FHDC1: variants seen among roughly 807,000 people sequenced by gnomAD.
FHDC1 encodes FH2 domain containing 1.
In FHDC1, 25 loss-of-function variants were observed where a neutral mutation model predicts 52.6. The observed-to-expected ratio is 0.48, with a 90% CI of 0.35 to 0.66. FHDC1 has a LOEUF of 0.66. Ranked by LOEUF, FHDC1 falls within the 30% of genes least tolerant of loss-of-function variation. The pLI is 0.01. For synonymous variants in FHDC1, 616 were observed against 581.5 expected, an observed-to-expected ratio of 1.06 and a Z score of -0.85; for missense variants, 1,459 against 1,452.8, an observed-to-expected ratio of 1.00 and a Z score of -0.07.
intron 1 of FHDC1, among the ~76,000 whole-genome samples, chr4:152,939,347 G>A (rs1411922521): frequency 6.6e-6 from 1 of 152,056 alleles, no homozygotes; most frequent in Non-Finnish European, 1.5e-5. Context: ...TGTTGGACAG[G>A]ATAGTCTTGA....
upstream of FHDC1, among the ~76,000 whole-genome samples, chr4:152,934,335 A>G (rs1739308040): frequency 6.6e-6 from 1 of 152,168 alleles, no homozygotes; most frequent in Non-Finnish European, 1.5e-5. Flanking sequence ...TGGGAAGAGT[A>G]CTAGTTTTGA....
At chr4:152,935,845 G>GTA (rs1269319279), upstream of FHDC1, among the ~76,000 whole-genome samples, 1 of 134,106 alleles carries the variant, frequency 7.5e-6, no homozygotes, top group Non-Finnish European at 1.7e-5. Context: ...GTGTGTGTGT[G>GTA]TGCGCGCGTG....
At position 152,975,929 on chromosome 4, in the gene FHDC1, G is replaced by A. The variant is rs748952216; in HGVS notation, c.2638G>A (p.Ala880Thr). 4.6e-6 allele frequency: 7 copies of A among 1,513,848 alleles called. No homozygotes were observed. The highest frequency in any genetic ancestry group is 2.7e-5 in the South Asian group (2 of 73,494). 93.8% of individuals were successfully genotyped at this position (1,513,848 alleles called of 1,614,324 possible). The change falls in exon 12 of 12, where the codon GCC becomes ACC. Residue 880 changes from alanine (A) to threonine (T), a missense_variant. Ala to Thr is a moderately conservative substitution (Grantham distance 58, BLOSUM62 0). Coordinates refer to ENST00000511601, the MANE Select transcript of FHDC1 (RefSeq NM_001371116.1). ...TCCCGGGGCCTCCAAGCCCGGGAGC[G>A]CCCGGCGGAGCCAGGGGGCAGTGGC... ...ASPGASKPGS[A>T]RRSQGAVAKS... is the part of the protein sequence containing the mutation.
intron 4 of FHDC1, among the ~76,000 whole-genome samples, chr4:152,959,478 A>G (rs1021399704): frequency 1.3e-5 from 2 of 152,238 alleles, no homozygotes; most frequent in Non-Finnish European, 2.9e-5. Flanking sequence ...TTTATTTTTT[A>G]AAGAGTGATC....
chr4:152,957,757 G>A lies in FHDC1; in HGVS notation c.664-2808G>A, dbSNP rs1207153163. On this transcript the variant is annotated intron_variant, in intron 4 of 11. Coordinates refer to ENST00000511601, the MANE Select transcript of FHDC1 (RefSeq NM_001371116.1). ...AGCCGACCAAAGCCAAGGTTAATTC[G>A]TTGTTGAGAATTTCTCTGCCCTCTA... 2.6e-5 allele frequency among the ~76,000 whole-genome samples: 4 copies of A among 152,148 alleles called. No homozygotes were observed. In the East Asian group the frequency reaches 7.7e-4, roughly 29 times the overall value.
In FHDC1 at chr4:152,975,306, A is replaced by G. The variant is rs766592093; in HGVS notation, c.2015A>G (p.Glu672Gly). ...PLSPLALGIKEHELVTGLAQF... is the reference protein window; with the variant it reads ...PLSPLALGIKGHELVTGLAQF... The stretch of plus-strand genomic sequence containing the variant: ...TCGCCATTGGCTCTGGGAATTAAGG[A>G]GCATGAGCTGGTGACAGGGCTGGCC... The change falls in exon 12 of 12, where the codon GAG becomes GGG. Residue 672 changes from glutamate (E) to glycine (G), a missense_variant. By Grantham distance (98) the Glu-to-Gly change is moderately conservative. Transcript: ENST00000511601. The G allele has an allele frequency of 1.9e-6, 3 of 1,613,638 alleles. No individual in the cohort carries two copies. In the South Asian group the frequency reaches 3.3e-5, roughly 18 times the overall value.
chr4:152,942,972 G>T lies in FHDC1; in HGVS notation c.-86G>T. The T allele has an allele frequency of 7.0e-7, 1 of 1,436,256 alleles. No individual in the cohort carries two copies. Among genetic ancestry groups the T allele is most frequent in the Non-Finnish European group, 9.5e-7 (1 of 1,055,550 alleles). The allele number at this position is 1,436,256 out of a possible 1,614,324, so 89.0% of individuals were successfully genotyped here. A position where few individuals can be genotyped will look rare whatever the true frequency, so the allele number is the denominator to read the frequency against. ...CCCTTTATTCTGGCGGCAGATAGCAGCAGGTGAAAAAGTGCTACACAAGTT... is the reference window on the plus strand; with the variant it reads ...CCCTTTATTCTGGCGGCAGATAGCATCAGGTGAAAAAGTGCTACACAAGTT... On this transcript the variant is annotated 5_prime_UTR_variant, in exon 2 of 12. Transcript: ENST00000511601.
the FHDC1 span, among the ~76,000 whole-genome samples, chr4:152,913,578 A>C: frequency 6.6e-6 from 1 of 152,224 alleles, no homozygotes; most frequent in African/African-American, 2.4e-5. Context: ...ACCTATTTGC[A>C]ATAGTCCTAA....
Position 152,975,911 on chromosome 4 carries a change from G to A in FHDC1, c.2620G>A (p.Ala874Thr). Residue 874 changes from alanine to threonine, a missense_variant, in exon 12 of 12, where the codon GCC (alanine) becomes ACC (threonine). Coordinates refer to ENST00000511601, the MANE Select transcript of FHDC1 (RefSeq NM_001371116.1). ...RGSLKEASPG[A>T]SKPGSARRSQ... is the part of the protein sequence containing the mutation. ...CTCCCTGAAAGAGGCGTCTCCCGGG[G>A]CCTCCAAGCCCGGGAGCGCCCGGCG... 1.3e-6 allele frequency: 2 copies of A among 1,514,262 alleles called. No individual in the cohort carries two copies. Among genetic ancestry groups the A allele is most frequent in the East Asian group, 2.3e-5 (1 of 44,002 alleles). The allele number at this position is 1,514,262 out of a possible 1,614,324, so 93.8% of individuals were successfully genotyped here.
the FHDC1 span, among the ~76,000 whole-genome samples, chr4:152,931,120 G>A: frequency 3.3e-5 from 5 of 152,142 alleles, no homozygotes; most frequent in South Asian, 1.0e-3. Context: ...TCTTAGAAGG[G>A]TAAACAATTT....
intron 1 of FHDC1, among the ~76,000 whole-genome samples, chr4:152,937,476 G>T (rs1292742942): frequency 6.6e-6 from 1 of 152,020 alleles, no homozygotes; most frequent in African/African-American, 2.4e-5. Flanking sequence ...GGGCCCCTCG[G>T]GGAGGGGGGC....
chr4:152,960,197 A>G (rs933105495), intron 4 of FHDC1, among the ~76,000 whole-genome samples: 9 of 152,138 alleles, frequency 5.9e-5, no homozygotes, highest in Non-Finnish European at 2.9e-5. Context: ...TCTTCTCCCA[A>G]TGATCTCATT....
chr4:152,950,307 T>C (rs1739885369), intron 2 of FHDC1, among the ~76,000 whole-genome samples: 1 of 152,206 alleles, frequency 6.6e-6, no homozygotes. Flanking sequence ...GTCACCCTTA[T>C]AACATTGCTT....
chr4:152,931,935 TAAAAAAAAAA>T (rs200667161), upstream of FHDC1, among the ~76,000 whole-genome samples: 5 of 95,290 alleles, frequency 5.2e-5, no homozygotes, highest in Admixed American at 1.0e-4. Flanking sequence ...AGAACCTGTC[TAAAAAAAAAA>T]AAAAAAAAAA....
chr4:152,943,449 C>T lies in FHDC1; in HGVS notation c.392C>T (p.Thr131Ile), dbSNP rs1259868491. The change falls in exon 2 of 12, where the codon ACA becomes ATA. Residue 131 changes from threonine to isoleucine, a missense_variant. Coordinates refer to ENST00000511601, the MANE Select transcript of FHDC1 (RefSeq NM_001371116.1). ...CAGGAACATCACTACCAAATTGATA[C>T]AAAGACCATTGAGGAGCTCTTTGGG... ...ARQEHHYQID[T>I]KTIEELFGQQ... The T allele has an allele frequency of 6.2e-7, 1 of 1,614,132 alleles. No individual in the cohort carries two copies. Among genetic ancestry groups the T allele is most frequent in the South Asian group, 1.1e-5 (1 of 91,072 alleles).
chr4:152,929,864 T>C, the FHDC1 span, among the ~76,000 whole-genome samples: 1 of 152,140 alleles, frequency 6.6e-6, no homozygotes, highest in African/African-American at 2.4e-5. This position sits in a 1 kb window ranked among gnomAD's most constrained non-coding sequence, Gnocchi z 4.1. Context: ...GAGGGAGAAA[T>C]GAAGATGTGT....
At chr4:152,938,603 G>T (rs2149933790) in intron 1 of FHDC1, among the ~76,000 whole-genome samples, 1 of 152,252 alleles carries the variant, frequency 6.6e-6, no homozygotes, top group Middle Eastern at 3.4e-3. Context: ...ATAAAATAGG[G>T]CTGTGTGTTT....
In FHDC1 at chr4:152,943,188, C is replaced by T. The variant is rs781274912; in HGVS notation, c.131C>T (p.Ser44Phe). Residue 44 changes from serine (S) to phenylalanine (F), a missense_variant, in exon 2 of 12, where the codon TCT becomes TTT. By Grantham distance (155) the Ser-to-Phe change is radical. This residue lies in a region of FHDC1 where 513 missense variants were observed against 581.5 expected (regional missense o/e 0.88). Transcript: ENST00000511601. ...CCACCTCCTCCTCCACCCCCTCCAT[C>T]TCCACCATGTTCATGTTCAAGGGAA... ...PPPPPPPPPPSPPCSCSREEC... is the reference protein window; with the variant it reads ...PPPPPPPPPPFPPCSCSREEC... 1 of 1,613,290 alleles carries T rather than the reference C, an allele frequency of 6.2e-7. No individual in the cohort carries two copies. Among genetic ancestry groups the T allele is most frequent in the South Asian group, 1.1e-5 (1 of 90,984 alleles).
At chr4:152,939,804 C>T (rs931096722) in intron 1 of FHDC1, among the ~76,000 whole-genome samples, 1 of 152,206 alleles carries the variant, frequency 6.6e-6, no homozygotes, top group Non-Finnish European at 1.5e-5. Context: ...GCAGCTACCT[C>T]ATCCTGTTGC....
Sources: gnomAD v4.1 joint callset for allele counts (sites outside exome capture counted in the v4.1 genomes callset) on GRCh38, gnomAD v4.1.1 for gene constraint, gnomAD v4.1.1 regional missense constraint, Gnocchi (gnomAD v3.1) non-coding constraint, MANE v1.5 for transcripts, NCBI Gene and HGNC (gene_info 2026-07-23, HGNC 2026-07-21) for gene names.